The following MRTFA variants were observed in gnomAD, a reference collection of about 807,000 sequenced individuals.
The protein encoded by MRTFA is myocardin-related transcription factor A.
MRTFA carries 20 observed loss-of-function variants against 83.5 expected under a neutral mutation model. The observed-to-expected ratio is 0.24, with a 90% CI of 0.17 to 0.35. The LOEUF (loss-of-function observed/expected upper bound fraction) is 0.35. Among genes scored for constraint, MRTFA ranks in the 10% least tolerant of loss-of-function variants. The probability of loss-of-function intolerance (pLI) is 1.00; values close to 1 mark genes in which losing one functional copy is unlikely to be tolerated. For synonymous variants in MRTFA, 659 were observed against 541.2 expected, an observed-to-expected ratio of 1.22 and a Z score of -3.02; for missense variants, 1,200 against 1,224.7, an observed-to-expected ratio of 0.98 and a Z score of 0.30.
intron 1 of MRTFA, among the ~76,000 whole-genome samples, chr22:40,620,252 G>A (rs1298769168): frequency 1.3e-5 from 2 of 151,606 alleles, no homozygotes; most frequent in Non-Finnish European, 2.9e-5. Flanking sequence ...AGCCTCCCGA[G>A]TAGCTGGGAT....
chr22:40,584,319 C>T (rs1330675353), intron 2 of MRTFA, among the ~76,000 whole-genome samples: 2 of 152,244 alleles, frequency 1.3e-5, no homozygotes, highest in Non-Finnish European at 2.9e-5. Context: ...AAAACCCAGA[C>T]ATCATGACTC....
intron 3 of MRTFA, among the ~76,000 whole-genome samples, chr22:40,544,485 C>T (rs2055334258): frequency 6.6e-6 from 1 of 152,242 alleles, no homozygotes; most frequent in East Asian, 1.9e-4. Context: ...CCTTGGCCTC[C>T]CCAAGCACTG....
At chr22:40,480,341 T>C (rs992715377) in intron 3 of MRTFA, among the ~76,000 whole-genome samples, 4 of 152,062 alleles carry the variant, frequency 2.6e-5, no homozygotes, top group Admixed American at 1.3e-4. Flanking sequence ...CTTGAATTCC[T>C]GGCCTCCAGT....
chr22:40,627,247 T>G (rs1190468545), intron 1 of MRTFA, among the ~76,000 whole-genome samples: 1 of 152,186 alleles, frequency 6.6e-6, no homozygotes, highest in East Asian at 1.9e-4. Flanking sequence ...CCCGGGCTCA[T>G]GCACTACAAG....
chr22:40,443,915 G>C (rs578116556), intron 4 of MRTFA, among the ~76,000 whole-genome samples: 1 of 152,148 alleles, frequency 6.6e-6, no homozygotes, highest in Admixed American at 6.5e-5. Flanking sequence ...CATGACTTTC[G>C]CCACTGCCCA....
intron 4 of MRTFA, among the ~76,000 whole-genome samples, chr22:40,450,997 A>G (rs1288160689): frequency 6.6e-6 from 1 of 152,192 alleles, no homozygotes; most frequent in Non-Finnish European, 1.5e-5. Context: ...TGGCAATTAT[A>G]CTAACTGCTG....
chr22:40,555,266 A>C (rs925081390), intron 2 of MRTFA, among the ~76,000 whole-genome samples: 12 of 152,208 alleles, frequency 7.9e-5, no homozygotes, highest in African/African-American at 2.9e-4. Flanking sequence ...TATGACTCTG[A>C]TATTTGTCCC....
rs558080858 is a variant in MRTFA at position 40,428,723 on chromosome 22, T to C, written c.601+883A>G. ...TAGAGATGAGTCTCCCTATGTTGCATGTTGCCCAGGCTGGTCTCAAACTCC... is the reference window on the plus strand; with the variant it reads ...TAGAGATGAGTCTCCCTATGTTGCACGTTGCCCAGGCTGGTCTCAAACTCC... On this transcript the variant is annotated intron_variant, in intron 7 of 14. Coordinates refer to ENST00000355630, the MANE Select transcript of MRTFA (RefSeq NM_020831.6). 4.6e-5 allele frequency among the ~76,000 whole-genome samples: 7 copies of C among 152,236 alleles called. No individual in the cohort carries two copies. In the East Asian group the frequency reaches 1.4e-3, roughly 29 times the overall value.
intron 1 of MRTFA, among the ~76,000 whole-genome samples, chr22:40,631,371 T>C (rs2056640258): frequency 6.6e-6 from 1 of 152,178 alleles, no homozygotes. Flanking sequence ...TCCAAGGACT[T>C]TATATATTTT....
intron 1 of MRTFA, among the ~76,000 whole-genome samples, chr22:40,596,868 G>A (rs544577558): frequency 3.3e-5 from 5 of 151,878 alleles, no homozygotes; most frequent in South Asian, 4.2e-4. Flanking sequence ...CCAGCTACTC[G>A]GGAGGCTGAG....
At position 40,480,767 on chromosome 22, in the gene MRTFA, T is replaced by G. The variant is rs982673446; in HGVS notation, c.242-17481A>C. On this transcript the variant is annotated intron_variant, in intron 3 of 14. Transcript: ENST00000355630. ...ACTTTTTTTTTTTTTTTTTTTTTTT[T>G]GAGACAGAATCTTGCTCTGTCACCA... is the stretch of plus-strand genomic sequence containing the variant. Among the ~76,000 whole-genome samples the G allele has an allele frequency of 1.2e-4, 17 of 147,156 alleles. No individual in the cohort carries two copies. The East Asian group carries it at 3.2e-3, about 27-fold the overall frequency.
intron 2 of MRTFA, among the ~76,000 whole-genome samples, chr22:40,574,435 T>C (rs35486251): frequency 0.33 from 48,412 of 148,188 alleles, 8,288 homozygotes; most frequent in East Asian, 0.66. Context: ...GTTATTATTA[T>C]TATTATTTTT....
intron 1 of MRTFA, among the ~76,000 whole-genome samples, chr22:40,614,633 A>G (rs2056428485): frequency 6.6e-6 from 1 of 152,124 alleles, no homozygotes; most frequent in Non-Finnish European, 1.5e-5. Context: ...GATTACTGGC[A>G]TAAGCCACCA....
chr22:40,617,019 C>T (rs1443121479), intron 1 of MRTFA, among the ~76,000 whole-genome samples: 1 of 151,502 alleles, frequency 6.6e-6, no homozygotes, highest in Admixed American at 6.6e-5. Context: ...GGGAGGATTG[C>T]TTGAGCTCCA....
At chr22:40,552,762 C>T (rs997262069) in intron 2 of MRTFA, among the ~76,000 whole-genome samples, 3 of 152,138 alleles carry the variant, frequency 2.0e-5, no homozygotes, top group Non-Finnish European at 2.9e-5. Context: ...AACGTGAGAA[C>T]AGACTAATAT....
chr22:40,560,459 G>A (rs1379858569), intron 2 of MRTFA, among the ~76,000 whole-genome samples: 1 of 152,154 alleles, frequency 6.6e-6, no homozygotes, highest in Non-Finnish European at 1.5e-5. Context: ...CATTTTGAAA[G>A]AGCCCACAGG....
At chr22:40,458,668 C>T (rs1344316505) in intron 4 of MRTFA, among the ~76,000 whole-genome samples, 1 of 152,140 alleles carries the variant, frequency 6.6e-6, no homozygotes, top group African/African-American at 2.4e-5. Flanking sequence ...AAGATATCAA[C>T]CAGAAATGAT....
intron 5 of MRTFA, among the ~76,000 whole-genome samples, chr22:40,432,136 C>T (rs1223770548): frequency 6.6e-6 from 1 of 152,134 alleles, no homozygotes. Flanking sequence ...ATCCCAGCTA[C>T]TTGGGAGGCT....
At chr22:40,448,949 G>A (rs2053434725) in intron 4 of MRTFA, among the ~76,000 whole-genome samples, 1 of 152,176 alleles carries the variant, frequency 6.6e-6, no homozygotes, top group African/African-American at 2.4e-5. Context: ...ATATGCAAAA[G>A]CGTCAGCTGT....
Sources: allele counts gnomAD v4.1 joint callset (sites outside exome capture counted in the v4.1 genomes callset), GRCh38; gene constraint gnomAD v4.1.1; transcripts MANE v1.5; gene names NCBI Gene and HGNC (gene_info 2026-07-23, HGNC 2026-07-21).